Variants in EXT1 observed in about 807,000 individuals in gnomAD.
EXT1 encodes exostosin glycosyltransferase 1, also known as exostosin-1.
Under a neutral mutation model 82.5 loss-of-function variants are expected in EXT1, and 20 were observed. That is an observed-to-expected ratio of 0.24 (90% CI 0.17 to 0.35). The LOEUF (loss-of-function observed/expected upper bound fraction) is 0.35, where lower values mean the gene tolerates loss of function less well. Ranked by LOEUF, EXT1 falls within the 10% of genes least tolerant of loss-of-function variation. The pLI is 1.00. For synonymous variants in EXT1, 348 were observed against 350.8 expected (o/e 0.99, Z 0.09); for missense variants, 757 against 936.5 (o/e 0.81, Z 2.50).
Position 117,812,927 on chromosome 8 carries a change from ATGT to A in EXT1, c.1664_1666del (p.Asn555del). Reference sequence around the variant, plus strand: ...AAGGCTGAGCACGGCGTCTGTGATGATGTTGTCGTAGGGCAGAAAACGGCTGCT... The same window carrying A: ...AAGGCTGAGCACGGCGTCTGTGATGATGTCGTAGGGCAGAAAACGGCTGCT... On this transcript the variant is annotated inframe_deletion, in exon 8 of 11. Coordinates refer to ENST00000378204, the MANE Select transcript of EXT1 (RefSeq NM_000127.3). The A allele has an allele frequency of 1.2e-6, 2 of 1,613,906 alleles. No individual in the cohort carries two copies. Among genetic ancestry groups the A allele is most frequent in the Non-Finnish European group, 1.7e-6 (2 of 1,179,960 alleles).
intron 1 of EXT1, among the ~76,000 whole-genome samples, chr8:117,953,940 A>T (rs112779131): frequency 1.5e-4 from 23 of 152,222 alleles, no homozygotes; most frequent in Non-Finnish European, 2.9e-4. Flanking sequence ...AAATAAAAAT[A>T]AAAAAACTGT....
At chr8:117,832,856 G>A (rs372885811) in intron 3 of EXT1, among the ~76,000 whole-genome samples, 42 of 152,298 alleles carry the variant, frequency 2.8e-4, no homozygotes, top group East Asian at 1.3e-3. Context: ...AGACAGGTAT[G>A]GGAAAGTGAT....
At chr8:118,101,344 G>C (rs1292457084) in intron 1 of EXT1, among the ~76,000 whole-genome samples, 1 of 152,192 alleles carries the variant, frequency 6.6e-6, no homozygotes, top group African/African-American at 2.4e-5. Context: ...AAAAGAGGCT[G>C]TGTATCCTCA....
At chr8:117,920,069 A>T (rs1346378837) in intron 1 of EXT1, among the ~76,000 whole-genome samples, 4 of 152,142 alleles carry the variant, frequency 2.6e-5, no homozygotes, top group African/African-American at 9.7e-5. Context: ...GAGAGAACAA[A>T]GAGAGAGGCA....
Position 117,901,709 on chromosome 8 carries a change from T to G in EXT1, c.963-64508A>C, listed in dbSNP as rs547453120. On this transcript the variant is annotated intron_variant, in intron 1 of 10. Transcript: ENST00000378204. Reference sequence around the variant, plus strand: ...TATTTTCTTTCCTTTTTCCTTTTTTTGTTTTGAGACAGGATGTCACTCTGT... The same window carrying G: ...TATTTTCTTTCCTTTTTCCTTTTTTGGTTTTGAGACAGGATGTCACTCTGT... Among the ~76,000 whole-genome samples, 7 of 152,296 alleles carry G rather than the reference T, an allele frequency of 4.6e-5. No individual in the cohort carries two copies. The South Asian group carries it at 1.5e-3, about 32-fold the overall frequency.
chr8:118,092,862 C>A (rs1334781142), intron 1 of EXT1, among the ~76,000 whole-genome samples: 1 of 152,136 alleles, frequency 6.6e-6, no homozygotes, highest in African/African-American at 2.4e-5. Flanking sequence ...TTTGTAAAAC[C>A]CCCAAGGGGG....
chr8:118,016,559 G>A (rs557076632), intron 1 of EXT1, among the ~76,000 whole-genome samples: 1 of 152,288 alleles, frequency 6.6e-6, no homozygotes, highest in Non-Finnish European at 1.5e-5. Context: ...TTTGTTTCAA[G>A]GAACCACAAA....
At chr8:118,054,586 T>A (rs1032373333) in intron 1 of EXT1, among the ~76,000 whole-genome samples, 17 of 152,142 alleles carry the variant, frequency 1.1e-4, no homozygotes, top group African/African-American at 3.4e-4. Flanking sequence ...GACCCTAAAA[T>A]AAAGATACTG....
intron 1 of EXT1, among the ~76,000 whole-genome samples, chr8:117,872,939 A>T (rs192487173): frequency 5.9e-5 from 9 of 152,200 alleles, no homozygotes; most frequent in African/African-American, 2.2e-4. Context: ...GGGAGAAGTT[A>T]AAGAGAAAGA....
At chr8:117,973,871 GAAA>G (rs1815004161) in intron 1 of EXT1, among the ~76,000 whole-genome samples, 2 of 118,162 alleles carry the variant, frequency 1.7e-5, no homozygotes, top group African/African-American at 3.5e-5. Context: ...GAAAGGAAAG[GAAA>G]GGAAAGGAAA....
At chr8:118,066,120 G>C (rs1816981755) in intron 1 of EXT1, among the ~76,000 whole-genome samples, 1 of 152,086 alleles carries the variant, frequency 6.6e-6, no homozygotes, top group Non-Finnish European at 1.5e-5. Flanking sequence ...ACATAGGTTT[G>C]AACTGCTCAT....
chr8:117,861,430 TG>T (rs1410569982), intron 1 of EXT1, among the ~76,000 whole-genome samples: 5 of 151,652 alleles, frequency 3.3e-5, no homozygotes, highest in African/African-American at 4.8e-5. Flanking sequence ...GTCCCGATTT[TG>T]GGGGGTATGT....
intron 1 of EXT1, among the ~76,000 whole-genome samples, chr8:118,098,765 A>AG (rs1817665596): frequency 6.6e-6 from 1 of 151,866 alleles, no homozygotes; most frequent in African/African-American, 2.4e-5. Context: ...TCTCAAAAAA[A>AG]AAAAAAAAAA....
intron 1 of EXT1, among the ~76,000 whole-genome samples, chr8:118,093,187 C>A (rs1817551683): frequency 6.6e-6 from 1 of 150,852 alleles, no homozygotes; most frequent in South Asian, 2.1e-4. Flanking sequence ...CCCCCCACCC[C>A]CCAAAAAAGC....
chr8:117,925,376 C>T (rs1270133485), intron 1 of EXT1, among the ~76,000 whole-genome samples: 1 of 147,322 alleles, frequency 6.8e-6, no homozygotes, highest in East Asian at 2.0e-4. Flanking sequence ...AAAAAACAAA[C>T]CTTTACGGTT....
At chr8:117,812,271 T>C (rs896616462) in intron 8 of EXT1, among the ~76,000 whole-genome samples, 6 of 152,120 alleles carry the variant, frequency 3.9e-5, no homozygotes, top group African/African-American at 1.4e-4. Flanking sequence ...CTATCTTTCC[T>C]CCTCTCTCTC....
chr8:117,921,542 T>A (rs887504771), intron 1 of EXT1, among the ~76,000 whole-genome samples: 4 of 152,150 alleles, frequency 2.6e-5, no homozygotes, highest in Non-Finnish European at 5.9e-5. Context: ...GACAACTTCA[T>A]GAGGTTAGAG....
At chr8:117,809,766 G>A (rs1374947498) in intron 8 of EXT1, among the ~76,000 whole-genome samples, 2 of 152,226 alleles carry the variant, frequency 1.3e-5, no homozygotes, top group East Asian at 1.9e-4. Flanking sequence ...CTAGAAAATT[G>A]AAATTAGGTT....
At chr8:118,100,360 G>C (rs1342576786) in intron 1 of EXT1, among the ~76,000 whole-genome samples, 1 of 152,074 alleles carries the variant, frequency 6.6e-6, no homozygotes, top group Non-Finnish European at 1.5e-5. Context: ...GCAACATAAG[G>C]GCCTGCTGAA....
Sources: gnomAD v4.1 joint callset for allele counts (sites outside exome capture counted in the v4.1 genomes callset) on GRCh38, gnomAD v4.1.1 for gene constraint, MANE v1.5 for transcripts, NCBI Gene and HGNC (gene_info 2026-07-23, HGNC 2026-07-21) for gene names.